Variants in HERC4 observed in about 807,000 individuals in gnomAD.
The protein encoded by HERC4 is HECT and RLD domain containing E3 ubiquitin protein ligase 4, also known as probable E3 ubiquitin-protein ligase HERC4.
HERC4 carries 28 observed loss-of-function variants against 124.3 expected under a neutral mutation model. That is an observed-to-expected ratio of 0.23 (90% CI 0.17 to 0.31). HERC4 has a LOEUF of 0.31. Ranked by LOEUF, HERC4 falls within the 10% of genes least tolerant of loss-of-function variation. HERC4 has a pLI of 1.00. For synonymous variants in HERC4, 407 were observed against 421.5 expected (o/e 0.97, Z 0.42); for missense variants, 713 against 1,229.3 (o/e 0.58, Z 6.28).
intron 15 of HERC4, among the ~76,000 whole-genome samples, chr10:67,975,435 C>T (rs2035527453): frequency 6.6e-6 from 1 of 151,916 alleles, no homozygotes; most frequent in African/African-American, 2.4e-5. Context: ...GCTCTGTTGA[C>T]ACCTCCCAGG....
At chr10:68,043,616 A>T (rs1313204773) in intron 4 of HERC4, among the ~76,000 whole-genome samples, 2 of 152,140 alleles carry the variant, frequency 1.3e-5, no homozygotes, top group Non-Finnish European at 2.9e-5. Context: ...GGAGTTCGAG[A>T]CCAGCCTGGC....
intron 8 of HERC4, among the ~76,000 whole-genome samples, chr10:68,020,233 T>C (rs956011734): frequency 1.3e-5 from 2 of 152,084 alleles, no homozygotes; most frequent in African/African-American, 2.4e-5. Context: ...ACCATATTAT[T>C]AAATGTCCAG....
At chr10:68,066,020 A>G (rs2041285123) in intron 3 of HERC4, among the ~76,000 whole-genome samples, 1 of 152,172 alleles carries the variant, frequency 6.6e-6, no homozygotes, top group Non-Finnish European at 1.5e-5. Context: ...AAGAAGGTCA[A>G]CCATGAGCTC....
chr10:67,974,028 A>G (rs1324729483), intron 15 of HERC4, among the ~76,000 whole-genome samples: 1 of 147,026 alleles, frequency 6.8e-6, no homozygotes, highest in Admixed American at 6.9e-5. Context: ...GCCTGGCAAC[A>G]GAGAGAGACT....
chr10:67,964,666 CA>C (rs2034740984), intron 16 of HERC4: 1 of 152,182 alleles, frequency 6.6e-6, no homozygotes, highest in African/African-American at 2.4e-5. Flanking sequence ...AGATAAAATC[CA>C]AATTCCTAAT....
intron 4 of HERC4, chr10:68,039,331 A>AAAAG: frequency 1.4e-6 from 2 of 1,455,060 alleles, no homozygotes; most frequent in Non-Finnish European, 9.1e-7. Context: ...AAAAAAAAAA[A>AAAAG]AAAGAAAGAA....
intron 3 of HERC4, among the ~76,000 whole-genome samples, chr10:68,057,282 CA>C (rs1355914284): frequency 6.6e-6 from 1 of 151,984 alleles, no homozygotes; most frequent in African/African-American, 2.4e-5. Flanking sequence ...ATGATCAAAC[CA>C]TGCATTCTAC....
intron 3 of HERC4, among the ~76,000 whole-genome samples, chr10:68,047,703 G>T (rs773359752): frequency 2.6e-5 from 4 of 152,098 alleles, no homozygotes; most frequent in Non-Finnish European, 4.4e-5. Context: ...TATTAGAACG[G>T]CCACAAGACA....
At chr10:68,017,864 G>A (rs1461794492) in intron 8 of HERC4, among the ~76,000 whole-genome samples, 1 of 152,094 alleles carries the variant, frequency 6.6e-6, no homozygotes, top group East Asian at 1.9e-4. Context: ...ACTGACTCAA[G>A]AAATAATAAA....
At chr10:68,016,570 C>A (rs2038283044) in intron 8 of HERC4, among the ~76,000 whole-genome samples, 1 of 152,084 alleles carries the variant, frequency 6.6e-6, no homozygotes, top group South Asian at 2.1e-4. Flanking sequence ...TCAGGATGGT[C>A]TTGATCTCTT....
chr10:67,996,581 C>A (rs1564525875), intron 9 of HERC4, among the ~76,000 whole-genome samples: 2 of 152,002 alleles, frequency 1.3e-5, no homozygotes, highest in Admixed American at 6.6e-5. Flanking sequence ...TAATACTTAA[C>A]GTATTAGAAC....
chr10:68,016,513 C>T (rs2038278869), intron 8 of HERC4, among the ~76,000 whole-genome samples: 1 of 152,060 alleles, frequency 6.6e-6, no homozygotes, highest in African/African-American at 2.4e-5. Context: ...CCACCATGCC[C>T]AGCTAATTTT....
At chr10:67,928,039 C>T (rs550410751) in intron 23 of HERC4, among the ~76,000 whole-genome samples, 1 of 152,232 alleles carries the variant, frequency 6.6e-6, no homozygotes, top group East Asian at 1.9e-4. Flanking sequence ...TATAAACACA[C>T]AAAGGAGGTG....
intron 1 of HERC4, chr10:68,074,674 C>A (rs1016383374): frequency 1.3e-5 from 2 of 152,398 alleles, no homozygotes; most frequent in African/African-American, 4.8e-5. Context: ...AAGCAGACGA[C>A]TACCGCAACC....
intron 15 of HERC4, among the ~76,000 whole-genome samples, chr10:67,970,382 A>C (rs763932380): frequency 9.2e-5 from 14 of 152,212 alleles, no homozygotes; most frequent in Non-Finnish European, 1.5e-4. Context: ...ACCTGAAGTC[A>C]GGAGTTCAAG....
chr10:67,991,029 AAG>A lies in HERC4; in HGVS notation c.1332-16_1332-15del. ...TGATCATCATTGCTAAAAAACAGAAAAGAAAAAAAAAAATAGAATAAAAATTT... is the reference window on the plus strand; with the variant it reads ...TGATCATCATTGCTAAAAAACAGAAAAAAAAAAAAAATAGAATAAAAATTT... On this transcript the variant is annotated splice_polypyrimidine_tract_variant and intron_variant, in intron 12 of 24. Transcript: ENST00000373700. 3 of 1,280,220 alleles carry A rather than the reference AAG, an allele frequency of 2.3e-6. No individual in the cohort carries two copies. In the African/African-American group the frequency reaches 1.1e-4, roughly 46 times the overall value. 79.3% of individuals were successfully genotyped at this position (1,280,220 alleles called of 1,614,324 possible).
At position 67,986,038 on chromosome 10, in the gene HERC4, T is replaced by C. The variant is rs887305743; in HGVS notation, c.1806+2625A>G. On this transcript the variant is annotated intron_variant, in intron 15 of 24. Transcript: ENST00000373700. ...ATAAACAAGTTTTGATAGTAATAGG[T>C]TTCTTGAATGATACAAATAAATCGT... Among the ~76,000 whole-genome samples, 6 of 152,172 alleles carry C rather than the reference T, an allele frequency of 3.9e-5. No homozygotes were observed. The East Asian group carries it at 1.2e-3, about 29-fold the overall frequency.
chr10:67,991,861 A>C (rs1201602988), intron 11 of HERC4, among the ~76,000 whole-genome samples: 1 of 152,174 alleles, frequency 6.6e-6, no homozygotes. Context: ...AAAGAACTAC[A>C]ACTTATACAT....
intron 7 of HERC4, among the ~76,000 whole-genome samples, chr10:68,031,447 A>C (rs2039197574): frequency 6.6e-6 from 1 of 152,196 alleles, no homozygotes; most frequent in South Asian, 2.1e-4. Flanking sequence ...TTGTTATCTG[A>C]ATGCCAAAAT....
Sources: allele counts gnomAD v4.1 joint callset (sites outside exome capture counted in the v4.1 genomes callset), GRCh38; gene constraint gnomAD v4.1.1; transcripts MANE v1.5; gene names NCBI Gene and HGNC (gene_info 2026-07-23, HGNC 2026-07-21).